DCC: variants seen among roughly 807,000 people sequenced by gnomAD.
DCC encodes DCC netrin 1 receptor, also known as netrin receptor DCC.
DCC carries 58 observed loss-of-function variants against 172.5 expected under a neutral mutation model. The observed-to-expected ratio is 0.34, with a 90% CI of 0.27 to 0.42. The LOEUF is 0.42. Ranked by LOEUF, DCC falls within the 10% of genes least tolerant of loss-of-function variation. The pLI, the probability that DCC is intolerant of heterozygous loss-of-function variation, is 1.00. For synonymous variants in DCC, 709 were observed against 644.5 expected, an observed-to-expected ratio of 1.10 and a Z score of -1.52; for missense variants, 1,740 against 1,791.0, an observed-to-expected ratio of 0.97 and a Z score of 0.51.
At chr18:52,920,270 AAAAC>A (rs915262285) in intron 3 of DCC, among the ~76,000 whole-genome samples, 1 of 152,088 alleles carries the variant, frequency 6.6e-6, no homozygotes, top group Non-Finnish European at 1.5e-5. Flanking sequence ...AAAAGAGTAA[AAAAC>A]AACCCACAGA....
At chr18:53,234,480 T>C (rs959760605) in intron 12 of DCC, among the ~76,000 whole-genome samples, 9 of 152,048 alleles carry the variant, frequency 5.9e-5, no homozygotes, top group African/African-American at 2.2e-4. Flanking sequence ...GTCAGGTTTT[T>C]TTCTGCTTCA....
At chr18:53,093,571 C>T (rs1197848957) in intron 7 of DCC, among the ~76,000 whole-genome samples, 3 of 152,130 alleles carry the variant, frequency 2.0e-5, no homozygotes, top group Non-Finnish European at 4.4e-5. Flanking sequence ...AGCCAAATCC[C>T]ATCTATCTGA....
chr18:53,276,592 T>A (rs2056808771), intron 12 of DCC, among the ~76,000 whole-genome samples: 1 of 152,138 alleles, frequency 6.6e-6, no homozygotes, highest in Non-Finnish European at 1.5e-5. Context: ...AATTTATTAA[T>A]GTGACTTGAG....
intron 1 of DCC, among the ~76,000 whole-genome samples, chr18:52,732,355 A>C (rs2036655789): frequency 6.6e-6 from 1 of 152,160 alleles, no homozygotes; most frequent in South Asian, 2.1e-4. Context: ...AGAATTCTAA[A>C]ATAATCATGG....
chr18:53,002,746 A>G (rs922404646), intron 5 of DCC, among the ~76,000 whole-genome samples: 2 of 152,104 alleles, frequency 1.3e-5, no homozygotes, highest in Admixed American at 1.3e-4. Flanking sequence ...CCAGATATTT[A>G]AAAGAAACGT....
At chr18:52,839,790 G>A (rs929586196) in intron 2 of DCC, among the ~76,000 whole-genome samples, 42 of 152,274 alleles carry the variant, frequency 2.8e-4, no homozygotes, top group African/African-American at 9.6e-4. Context: ...TGGATTAGGT[G>A]TTACATTTTG....
Position 52,796,051 on chromosome 18 carries a change from G to A in DCC, c.412+43677G>A, listed in dbSNP as rs1399563894. The stretch of plus-strand genomic sequence containing the variant: ...TTTTTCATTTAAATTGTTTTCTATA[G>A]GTACAGTTACTTTTTTTTTTCTGCT... On this transcript the variant is annotated intron_variant, in intron 2 of 28. Coordinates refer to ENST00000442544, the MANE Select transcript of DCC (RefSeq NM_005215.4). 3.4e-5 allele frequency among the ~76,000 whole-genome samples: 4 copies of A among 118,544 alleles called. No individual in the cohort carries two copies. In the East Asian group the frequency reaches 1.2e-3, roughly 34 times the overall value. The allele number at this position is 118,544 out of a possible 152,430, so 77.8% of individuals were successfully genotyped here. A position where few individuals can be genotyped will look rare whatever the true frequency, so the allele number is the denominator to read the frequency against.
chr18:52,361,775 G>T (rs1252826151), intron 1 of DCC, among the ~76,000 whole-genome samples: 1 of 152,176 alleles, frequency 6.6e-6, no homozygotes, highest in Non-Finnish European at 1.5e-5. Flanking sequence ...GTAATAGCAT[G>T]TTTCCTACTC....
chr18:53,530,965 C>A lies in DCC; in HGVS notation c.*312C>A. ...CACTGCAGTGACCACACTGTCATAACTAATACCTATGTTTTCCTTTGTCAA... is the reference window on the plus strand; with the variant it reads ...CACTGCAGTGACCACACTGTCATAAATAATACCTATGTTTTCCTTTGTCAA... On this transcript the variant is annotated 3_prime_UTR_variant, in exon 29 of 29. Coordinates refer to ENST00000442544, the MANE Select transcript of DCC (RefSeq NM_005215.4). 1 of 462,926 alleles carries A rather than the reference C, an allele frequency of 2.2e-6. No homozygotes were observed. Among genetic ancestry groups the A allele is most frequent in the Non-Finnish European group, 4.0e-6 (1 of 250,788 alleles). The allele number at this position is 462,926 out of a possible 1,614,324, so 28.7% of individuals were successfully genotyped here.
At chr18:52,646,008 T>A (rs1598984123) in intron 1 of DCC, among the ~76,000 whole-genome samples, 1 of 152,180 alleles carries the variant, frequency 6.6e-6, no homozygotes, top group Non-Finnish European at 1.5e-5. Flanking sequence ...AGCATTACTT[T>A]AGAGCCATGA....
intron 2 of DCC, among the ~76,000 whole-genome samples, chr18:52,843,356 C>T (rs1012051172): frequency 3.3e-5 from 5 of 152,190 alleles, no homozygotes; most frequent in Admixed American, 2.6e-4. Context: ...GACATCTATA[C>T]CTACCTATAT....
At chr18:53,129,165 G>A (rs2043615139) in intron 7 of DCC, among the ~76,000 whole-genome samples, 1 of 151,816 alleles carries the variant, frequency 6.6e-6, no homozygotes, top group African/African-American at 2.4e-5. Context: ...AGTATTATAG[G>A]CATGAGACAC....
chr18:52,483,684 T>C (rs2030069551), intron 1 of DCC, among the ~76,000 whole-genome samples: 1 of 152,094 alleles, frequency 6.6e-6, no homozygotes, highest in Non-Finnish European at 1.5e-5. Context: ...TCAGTCTTTT[T>C]AGAATCATGT....
intron 5 of DCC, among the ~76,000 whole-genome samples, chr18:52,942,402 G>C (rs1375188812): frequency 6.6e-6 from 1 of 152,004 alleles, no homozygotes; most frequent in African/African-American, 2.4e-5. Flanking sequence ...TATTTAGTAT[G>C]GAAAGACTGT....
intron 2 of DCC, among the ~76,000 whole-genome samples, chr18:52,825,028 G>A (rs1163919827): frequency 6.6e-6 from 1 of 151,810 alleles, no homozygotes; most frequent in African/African-American, 2.4e-5. Context: ...TATTCTGAAG[G>A]TCTGCCTATT....
At chr18:52,667,514 G>A (rs1248424866) in intron 1 of DCC, among the ~76,000 whole-genome samples, 3 of 152,170 alleles carry the variant, frequency 2.0e-5, no homozygotes, top group Non-Finnish European at 4.4e-5. Context: ...TCTTCAAGGA[G>A]CAACAGGGGT....
At chr18:53,426,308 ATATATTATATATT>A (rs890707501) in intron 21 of DCC, among the ~76,000 whole-genome samples, 3 of 49,940 alleles carry the variant, frequency 6.0e-5, no homozygotes, top group Admixed American at 3.7e-4. Flanking sequence ...TATTTATAAT[ATATATTATATATT>A]TATAAATTTT....
At chr18:52,942,217 A>G (rs1327707002) in intron 5 of DCC, among the ~76,000 whole-genome samples, 3 of 152,182 alleles carry the variant, frequency 2.0e-5, no homozygotes, top group Admixed American at 1.3e-4. Flanking sequence ...CAGTTTATCC[A>G]TGTTTAGGGT....
rs576977408 is a variant in DCC at position 52,556,604 on chromosome 18, A to T, written c.92-195450A>T. On this transcript the variant is annotated intron_variant, in intron 1 of 28. Transcript: ENST00000442544. ...AGTGTCCTTCATTTTCACAGTAAAA[A>T]TCTCACCCCTGGATGGAAATTTGAG... Among the ~76,000 whole-genome samples, 12 of 152,142 alleles carry T rather than the reference A, an allele frequency of 7.9e-5. No individual in the cohort carries two copies. In the East Asian group the frequency reaches 2.3e-3, roughly 29 times the overall value.
Sources: allele counts gnomAD v4.1 joint callset (sites outside exome capture counted in the v4.1 genomes callset), GRCh38; gene constraint gnomAD v4.1.1; transcripts MANE v1.5; gene names NCBI Gene and HGNC (gene_info 2026-07-23, HGNC 2026-07-21).